Variants in FAM83G observed in about 807,000 individuals in gnomAD.
The protein encoded by FAM83G is protein FAM83G.
FAM83G carries 38 observed loss-of-function variants against 61.5 expected under a neutral mutation model. The ratio of observed to expected loss-of-function variants is 0.62; its 90% confidence interval spans 0.48 to 0.81. FAM83G has a LOEUF of 0.81. Among genes scored for constraint, FAM83G ranks in the 30% least tolerant of loss-of-function variants. FAM83G has a pLI of 0.00. For missense variants in FAM83G, 989 were observed against 1,133.6 expected (o/e 0.87, Z 1.83); for synonymous variants, 470 against 476.1 (o/e 0.99, Z 0.17).
rs1304414005 is a variant in FAM83G, at chr17:18,969,504, G to T, written c.*1855C>A. ...TCTGGCACTGCCCGGCACTGTGCAG[G>T]ATTCATGCCGTTGGGGTTCTGGGTA... On this transcript the variant is annotated 3_prime_UTR_variant, in exon 6 of 6. Transcript: ENST00000388995. 3.0e-6 allele frequency: 4 copies of T among 1,330,698 alleles called. No individual in the cohort carries two copies. Among genetic ancestry groups the T allele is most frequent in the Non-Finnish European group, 4.2e-6 (4 of 943,274 alleles). 82.4% of individuals were successfully genotyped at this position (1,330,698 alleles called of 1,614,324 possible). A position where few individuals can be genotyped will look rare whatever the true frequency, so the allele number is the denominator to read the frequency against.
At position 18,979,784 on chromosome 17, in the gene FAM83G, G is replaced by A. The variant is rs2043082928; in HGVS notation, c.691-111C>T. 3.2e-6 allele frequency: 4 copies of A among 1,259,514 alleles called. No individual in the cohort carries two copies. In the East Asian group the frequency reaches 9.4e-5, roughly 30 times the overall value. 78.0% of individuals were successfully genotyped at this position (1,259,514 alleles called of 1,614,324 possible). A position where few individuals can be genotyped will look rare whatever the true frequency, so the allele number is the denominator to read the frequency against. On this transcript the variant is annotated intron_variant, in intron 3 of 5. Transcript: ENST00000388995. ...AGAGGGGACTCTGGAGTAGTCAGGA[G>A]GGGAAGAAAGAGGCTGTAAGGCCTG...
Position 18,970,881 on chromosome 17 carries a change from G to A in FAM83G, c.*478C>T. 1 of 757,570 alleles carries A rather than the reference G, an allele frequency of 1.3e-6. No individual in the cohort carries two copies. The highest frequency in any genetic ancestry group is 1.7e-5 in the South Asian group (1 of 59,896). The allele number at this position is 757,570 out of a possible 1,614,324, so 46.9% of individuals were successfully genotyped here. ...TACCCTCACACCTTTCCAAACACTG[G>A]GAAAGATGAGGTGGAAAAAACTCAA... On this transcript the variant is annotated 3_prime_UTR_variant, in exon 6 of 6. Transcript: ENST00000388995.
At position 18,977,951 on chromosome 17, in the gene FAM83G, AGCCCCACCCCGAGGCTCTCGGGGT is replaced by A. The variant is rs1364348363; in HGVS notation, c.1691_1714del (p.Asp564_Leu572delinsVal). 1.2e-6 allele frequency: 2 copies of A among 1,601,670 alleles called. No homozygotes were observed. Among genetic ancestry groups the A allele is most frequent in the African/African-American group, 2.7e-5 (2 of 74,512 alleles). On this transcript the variant is annotated inframe_deletion, in exon 5 of 6. Coordinates refer to ENST00000388995, the MANE Select transcript of FAM83G (RefSeq NM_001039999.3). ...TTCCACCCCATCCAGCCCATTGGGG[AGCCCCACCCCGAGGCTCTCGGGGT>A]CATCCTGGGTCACAGATAGCTGCCG...
At chr17:18,993,329 CCT>C (rs1807522905) in intron 2 of FAM83G, among the ~76,000 whole-genome samples, 1 of 152,214 alleles carries the variant, frequency 6.6e-6, no homozygotes, top group South Asian at 2.1e-4. Context: ...CCCAGCCTCC[CCT>C]GTCGTCACTC....
intron 3 of FAM83G, among the ~76,000 whole-genome samples, chr17:18,986,928 A>G (rs185958363): frequency 8.5e-5 from 13 of 152,304 alleles, no homozygotes; most frequent in Admixed American, 7.8e-4. Context: ...GATTCCCAGC[A>G]CTAATTACGC....
rs765166096 is a variant in FAM83G at position 18,978,314 on chromosome 17, T to G, written c.1352A>C (p.Asp451Ala). 2.5e-6 allele frequency: 4 copies of G among 1,609,342 alleles called. No individual in the cohort carries two copies. The highest frequency in any genetic ancestry group is 3.4e-6 in the Non-Finnish European group (4 of 1,178,098). The change falls in exon 5 of 6, where the codon GAC (aspartate) becomes GCC (alanine). Residue 451 changes from aspartate (D) to alanine (A), a missense_variant. Asp to Ala is a moderately radical substitution (Grantham distance 126, BLOSUM62 -2). Around this residue, in one of 3 missense-constraint regions of FAM83G, gnomAD observed 574 missense variants for 645.1 expected, o/e 0.89. Coordinates refer to ENST00000388995, the MANE Select transcript of FAM83G (RefSeq NM_001039999.3). ...GTGCTGGGCGCTGGCCTGGGAGGTG[T>G]CACGGATCTTGATGCGGTTCATCTG... ...PSQMNRIKIR[D>A]TSQASAQHQL...
At chr17:18,990,915 A>G (rs2043405450) in intron 2 of FAM83G, among the ~76,000 whole-genome samples, 1 of 152,178 alleles carries the variant, frequency 6.6e-6, no homozygotes, top group African/African-American at 2.4e-5. Context: ...AGCTGGGATC[A>G]CAGTCCATGA....
chr17:18,988,486 C>G, intron 2 of FAM83G, 72 bp from the exon 3 acceptor site: 2 of 1,581,062 alleles, frequency 1.3e-6, no homozygotes, highest in Non-Finnish European at 1.7e-6. Flanking sequence ...TGGCAGAGCG[C>G]ACAGCCCTCC....
At chr17:18,997,777 A>C (rs1200794745) in intron 2 of FAM83G, among the ~76,000 whole-genome samples, 2 of 152,212 alleles carry the variant, frequency 1.3e-5, no homozygotes, top group Non-Finnish European at 2.9e-5. Context: ...CACAGAGAGA[A>C]GCTCTCAGGA....
chr17:18,995,743 A>T (rs528418036), intron 2 of FAM83G, among the ~76,000 whole-genome samples: 3 of 152,274 alleles, frequency 2.0e-5, no homozygotes. Context: ...CCCTGTCTCT[A>T]CTAAAAATAC....
chr17:18,971,027 G>T lies in FAM83G; in HGVS notation c.*332C>A. 6.2e-7 allele frequency: 1 copy of T among 1,613,942 alleles called. No individual in the cohort carries two copies. The highest frequency in any genetic ancestry group is 8.5e-7 in the Non-Finnish European group (1 of 1,180,020). On this transcript the variant is annotated 3_prime_UTR_variant, in exon 6 of 6. Transcript: ENST00000388995. The surrounding 1 kb of genome is among the most constrained non-coding windows in gnomAD (Gnocchi z 5.5). The stretch of plus-strand genomic sequence containing the variant: ...GACCCCTCCAGCTTTTGACCAGATC[G>T]GTGGTTACGGGCAGCTGGAGGCAGC...
In FAM83G at chr17:19,000,678, C is replaced by A. The variant is rs1307631228; in HGVS notation, c.522+2842G>T. 6.6e-6 allele frequency among the ~76,000 whole-genome samples: 1 copy of A among 152,138 alleles called. No individual in the cohort carries two copies. The highest frequency in any genetic ancestry group is 1.5e-5 in the Non-Finnish European group (1 of 68,008). On this transcript the variant is annotated intron_variant, in intron 2 of 5. Transcript: ENST00000388995. The surrounding 1 kb of genome is among the most constrained non-coding windows in gnomAD (Gnocchi z 5.2). ...GCCTAAAGCCCCCGGTGGGAAGGGG[C>A]CAGTGTGCGGCAAGGCGGCCCAGGC...
intron 2 of FAM83G, among the ~76,000 whole-genome samples, chr17:19,001,051 C>A (rs2043717249): frequency 6.6e-6 from 1 of 152,186 alleles, no homozygotes; most frequent in Non-Finnish European, 1.5e-5. Context: ...CACCCCTCTA[C>A]CCGAGAACTA....
At chr17:19,005,647 A>AC (rs141784762), upstream of FAM83G, among the ~76,000 whole-genome samples, 1,733 of 136,986 alleles carry the variant, frequency 0.013, 123 homozygotes, top group East Asian at 0.2. Context: ...GTGCCCTCAA[A>AC]CCCCCCCCCT....
chr17:18,987,872 A>T (rs138964242), intron 3 of FAM83G, among the ~76,000 whole-genome samples: 2 of 152,348 alleles, frequency 1.3e-5, no homozygotes, highest in Admixed American at 6.5e-5. Context: ...GAAGCTCTCC[A>T]GAAAGGCCAC....
intron 2 of FAM83G, among the ~76,000 whole-genome samples, chr17:18,990,475 G>A (rs1332362567): frequency 6.6e-6 from 1 of 152,214 alleles, no homozygotes; most frequent in Non-Finnish European, 1.5e-5. Context: ...AGCCTAATGA[G>A]GGCGCAGTAG....
chr17:18,982,027 G>C (rs2043150723), intron 3 of FAM83G, among the ~76,000 whole-genome samples: 1 of 152,214 alleles, frequency 6.6e-6, no homozygotes, highest in Non-Finnish European at 1.5e-5. Flanking sequence ...GCCAGCATCA[G>C]GACCCTTCTG....
Position 18,979,728 on chromosome 17 carries a change from G to C in FAM83G, c.691-55C>G, listed in dbSNP as rs563739197. The C allele has an allele frequency of 2.5e-6, 4 of 1,602,418 alleles. No individual in the cohort carries two copies. The African/African-American group carries it at 4.0e-5, about 16-fold the overall frequency. ...ACGACTGCAACCCTGACCACACAGGGCGAGGGGAGGACGGCAGCTGCCCAG... is the reference window on the plus strand; with the variant it reads ...ACGACTGCAACCCTGACCACACAGGCCGAGGGGAGGACGGCAGCTGCCCAG... On this transcript the variant is annotated intron_variant, in intron 3 of 5. Transcript: ENST00000388995.
intron 4 of FAM83G, 155 bp downstream of exon 4, chr17:18,979,394 A>T: frequency 1.1e-6 from 1 of 889,954 alleles, no homozygotes; most frequent in Non-Finnish European, 1.7e-6. Flanking sequence ...CTGCCTCCAG[A>T]GACAGACAGG....
Sources: gnomAD v4.1 joint callset for allele counts (sites outside exome capture counted in the v4.1 genomes callset) on GRCh38, gnomAD v4.1.1 for gene constraint, gnomAD v4.1.1 regional missense constraint, Gnocchi (gnomAD v3.1) non-coding constraint, MANE v1.5 for transcripts, NCBI Gene and HGNC (gene_info 2026-07-23, HGNC 2026-07-21) for gene names.